CNTNAP5: variants seen among roughly 807,000 people sequenced by gnomAD.
CNTNAP5 encodes the protein contactin-associated protein-like 5.
In CNTNAP5, 72 loss-of-function variants were observed where a neutral mutation model predicts 150.2. That is an observed-to-expected ratio of 0.48 (90% confidence interval 0.40 to 0.58). The LOEUF (loss-of-function observed/expected upper bound fraction) is 0.58, where lower values mean the gene tolerates loss of function less well. Among genes scored for constraint, CNTNAP5 ranks in the 20% least tolerant of loss-of-function variants. The pLI, the probability that CNTNAP5 is intolerant of heterozygous loss-of-function variation, is 0.00. For missense variants in CNTNAP5, 1,636 were observed against 1,626.2 expected (o/e 1.01, Z -0.10); for synonymous variants, 672 against 619.8 (o/e 1.08, Z -1.25).
intron 13 of CNTNAP5, among the ~76,000 whole-genome samples, chr2:124,712,070 G>C (rs1452927785): frequency 6.6e-6 from 1 of 152,058 alleles, no homozygotes; most frequent in African/African-American, 2.4e-5. Flanking sequence ...TGTCTTATTG[G>C]CCAGGAGTGT....
At chr2:124,438,711 T>C (rs1315503364) in intron 5 of CNTNAP5, among the ~76,000 whole-genome samples, 1 of 152,224 alleles carries the variant, frequency 6.6e-6, no homozygotes, top group Non-Finnish European at 1.5e-5. Context: ...GGCATTTTAG[T>C]CAGCCAACTC....
chr2:124,544,125 T>TA (rs959307126), intron 10 of CNTNAP5, among the ~76,000 whole-genome samples: 2 of 151,702 alleles, frequency 1.3e-5, no homozygotes, highest in African/African-American at 2.4e-5. Flanking sequence ...ACTTAGAAGT[T>TA]AAAAAAAAGT....
At chr2:124,841,392 T>C (rs77251927) in intron 19 of CNTNAP5, among the ~76,000 whole-genome samples, 1 of 150,938 alleles carries the variant, frequency 6.6e-6, no homozygotes, top group Non-Finnish European at 1.5e-5. Context: ...TTTTTTTTTT[T>C]AATCCCTTTG....
intron 3 of CNTNAP5, among the ~76,000 whole-genome samples, chr2:124,386,218 T>C (rs1294172311): frequency 1.3e-5 from 2 of 152,218 alleles, no homozygotes; most frequent in African/African-American, 4.8e-5. Flanking sequence ...CAATGTTGTT[T>C]AAATTTCTTT....
chr2:124,916,299 G>A lies in CNTNAP5; in HGVS notation c.*2011G>A, dbSNP rs893486471. On this transcript the variant is annotated 3_prime_UTR_variant, in exon 24 of 24. Coordinates refer to ENST00000682447, the MANE Select transcript of CNTNAP5 (RefSeq NM_001367498.1). ...TCCTTTTAGTTTTAATAAGATGAAT[G>A]ATTCTTTAGTAAGATGAAGGATCTT... Among the ~76,000 whole-genome samples the A allele has an allele frequency of 6.6e-6, 1 of 152,028 alleles. No individual in the cohort carries two copies.
At chr2:124,295,546 T>C (rs923964327) in intron 3 of CNTNAP5, among the ~76,000 whole-genome samples, 2 of 151,910 alleles carry the variant, frequency 1.3e-5, no homozygotes, top group Admixed American at 6.6e-5. Flanking sequence ...GTGTGGATCT[T>C]CTTCTGTCTG....
chr2:124,150,297 G>A (rs975629465), intron 1 of CNTNAP5, among the ~76,000 whole-genome samples: 1 of 152,160 alleles, frequency 6.6e-6, no homozygotes, highest in African/African-American at 2.4e-5. Flanking sequence ...CATGCCCAAG[G>A]TGTATATCCC....
chr2:124,737,919 T>TA (rs35955894), intron 13 of CNTNAP5, among the ~76,000 whole-genome samples: 38,579 of 151,748 alleles, frequency 0.25, 5,530 homozygotes, highest in Non-Finnish European at 0.34. Context: ...GCTAGAACAT[T>TA]AAAAAAAAGC....
At chr2:124,345,424 T>A (rs1240704515) in intron 3 of CNTNAP5, among the ~76,000 whole-genome samples, 1 of 152,106 alleles carries the variant, frequency 6.6e-6, no homozygotes, top group Non-Finnish European at 1.5e-5. Context: ...CACAGCAAGC[T>A]CATTATCAGT....
chr2:124,325,462 G>A (rs186192205), intron 3 of CNTNAP5, among the ~76,000 whole-genome samples: 92 of 152,218 alleles, frequency 6.0e-4, no homozygotes, highest in East Asian at 1.5e-3. Flanking sequence ...ATCACATCAC[G>A]GAATTCTGTA....
rs79125328 is a variant in CNTNAP5, at chr2:124,164,957, C to A, written c.83-56748C>A. Among the ~76,000 whole-genome samples the A allele has an allele frequency of 1.8e-4, 28 of 152,196 alleles. No individual in the cohort carries two copies. In the East Asian group the frequency reaches 3.9e-3, roughly 21 times the overall value. On this transcript the variant is annotated intron_variant, in intron 1 of 23. Coordinates refer to ENST00000682447, the MANE Select transcript of CNTNAP5 (RefSeq NM_001367498.1). ...AATGGGGAACCTGCAGACTTTATGA[C>A]ACATTGTGGTGGAGCAGGTAGAACA...
At chr2:124,254,255 C>T (rs1687254165) in intron 3 of CNTNAP5, among the ~76,000 whole-genome samples, 1 of 152,174 alleles carries the variant, frequency 6.6e-6, no homozygotes, top group Non-Finnish European at 1.5e-5. Context: ...TTTCTTCCCT[C>T]AAATGTAAGA....
At chr2:124,527,233 CA>C in intron 9 of CNTNAP5, 51 bp from the exon 10 acceptor site, 1 of 1,542,638 alleles carries the variant, frequency 6.5e-7, no homozygotes, top group Non-Finnish European at 8.9e-7. Context: ...GTCGCCAAAG[CA>C]ATGACGGATC....
chr2:124,128,511 C>T (rs577275907), intron 1 of CNTNAP5, among the ~76,000 whole-genome samples: 8 of 152,132 alleles, frequency 5.3e-5, no homozygotes, highest in South Asian at 2.1e-4. Context: ...GGCGATTCCT[C>T]AAGGATCTAG....
At position 124,446,843 on chromosome 2, in the gene CNTNAP5, A is replaced by C. The variant is rs750049291; in HGVS notation, c.824A>C (p.Glu275Ala). 2 of 1,613,820 alleles carry C rather than the reference A, an allele frequency of 1.2e-6. No individual in the cohort carries two copies. ...DDQHWHSVLI[E>A]RVGKQVNFTV... ...CAGCACTGGCACTCGGTCCTCATTG[A>C]GCGGGTGGGCAAGCAGGTGAACTTC... is the stretch of plus-strand genomic sequence containing the variant. Residue 275 changes from glutamate (E) to alanine (A), a missense_variant, in exon 6 of 24, where the codon GAG (glutamate) becomes GCG (alanine). Transcript: ENST00000682447.
intron 1 of CNTNAP5, among the ~76,000 whole-genome samples, chr2:124,129,622 G>A (rs1201230880): frequency 6.6e-6 from 1 of 152,120 alleles, no homozygotes; most frequent in Admixed American, 6.6e-5. Context: ...CTTATTCTCT[G>A]TTAAAGATGG....
chr2:124,900,893 A>C (rs1172734555), intron 21 of CNTNAP5, among the ~76,000 whole-genome samples: 1 of 151,638 alleles, frequency 6.6e-6, no homozygotes, highest in Admixed American at 6.6e-5. Context: ...GCATATTCTG[A>C]ATTGTATCTG....
At chr2:124,814,969 G>T (rs2104662252) in intron 19 of CNTNAP5, among the ~76,000 whole-genome samples, 2 of 152,266 alleles carry the variant, frequency 1.3e-5, no homozygotes, top group South Asian at 4.1e-4. Context: ...TGTTTGAATT[G>T]CCCACCTTAG....
chr2:124,397,981 G>A (rs995353984), intron 3 of CNTNAP5, among the ~76,000 whole-genome samples: 2 of 152,184 alleles, frequency 1.3e-5, no homozygotes, highest in African/African-American at 2.4e-5. Flanking sequence ...TGATACCTGA[G>A]TTAGGCAAAA....
Sources: allele counts gnomAD v4.1 joint callset (sites outside exome capture counted in the v4.1 genomes callset), GRCh38; gene constraint gnomAD v4.1.1; transcripts MANE v1.5; gene names NCBI Gene and HGNC (gene_info 2026-07-23, HGNC 2026-07-21).